Variants in KDM5A observed in about 807,000 individuals in gnomAD.
The protein encoded by KDM5A is lysine-specific demethylase 5A.
Under a neutral mutation model 193.5 loss-of-function variants are expected in KDM5A, and 42 were observed. That is an observed-to-expected ratio of 0.22 (90% confidence interval 0.17 to 0.28). The LOEUF (loss-of-function observed/expected upper bound fraction) is 0.28. Ranked by LOEUF, KDM5A falls within the 10% of genes least tolerant of loss-of-function variation. The probability of loss-of-function intolerance (pLI) is 1.00; values close to 1 mark genes in which losing one functional copy is unlikely to be tolerated. For synonymous variants in KDM5A, 796 were observed against 718.1 expected, an observed-to-expected ratio of 1.11 and a Z score of -1.73; for missense variants, 1,692 against 2,055.1, an observed-to-expected ratio of 0.82 and a Z score of 3.42.
intron 3 of KDM5A, among the ~76,000 whole-genome samples, chr12:376,405 T>G (rs1177121004): frequency 1.3e-5 from 2 of 152,250 alleles, no homozygotes; most frequent in African/African-American, 2.4e-5. Context: ...TCTCCTGGTG[T>G]GCCGTTTGCT....
Position 307,977 on chromosome 12 carries a change from T to C in KDM5A, c.3407A>G (p.Lys1136Arg), listed in dbSNP as rs766016067. The C allele has an allele frequency of 4.3e-6, 7 of 1,613,988 alleles. No individual in the cohort carries two copies. In the African/African-American group the frequency reaches 9.3e-5, roughly 22 times the overall value. The change falls in exon 23 of 28, where the codon AAA (lysine) becomes AGA (arginine). Residue 1136 changes from lysine (K) to arginine (R), a missense_variant. By Grantham distance (26) the Lys-to-Arg change is conservative (BLOSUM62 2). Coordinates refer to ENST00000399788, the MANE Select transcript of KDM5A (RefSeq NM_001042603.3). This position sits in a 1 kb window ranked among gnomAD's most constrained non-coding sequence, Gnocchi z 4.3. ...GAGAGAATGCATGGCTTCAATCTCT[T>C]TTTGCTCCCGTTCTTTGAAAACTGC... ...VVAVFKEREQ[K>R]EIEAMHSLRA...
chr12:302,495 C>G (rs1445117576), intron 24 of KDM5A, among the ~76,000 whole-genome samples: 1 of 151,584 alleles, frequency 6.6e-6, no homozygotes, highest in African/African-American at 2.4e-5. Flanking sequence ...TGGATCCCTT[C>G]CTTACACCTC....
At chr12:380,606 C>T (rs991945335) in intron 3 of KDM5A, among the ~76,000 whole-genome samples, 2 of 151,876 alleles carry the variant, frequency 1.3e-5, no homozygotes, top group African/African-American at 4.8e-5. Flanking sequence ...AATCCCAGTC[C>T]CAGCTACTCA....
chr12:280,934 A>C lies in KDM5A; in HGVS notation c.*4522T>G, dbSNP rs1943148820. On this transcript the variant is annotated 3_prime_UTR_variant, in exon 28 of 28. Coordinates refer to ENST00000399788, the MANE Select transcript of KDM5A (RefSeq NM_001042603.3). Reference sequence around the variant, plus strand: ...TTTTATAGTTAGCAAATGAAATTAGAAACTGCTTTGGCACAGGTCAAAGGT... The same window carrying C: ...TTTTATAGTTAGCAAATGAAATTAGCAACTGCTTTGGCACAGGTCAAAGGT... 1 of 232,976 alleles carries C rather than the reference A, an allele frequency of 4.3e-6. No individual in the cohort carries two copies. Among genetic ancestry groups the C allele is most frequent in the African/African-American group, 2.2e-5 (1 of 45,354 alleles). 14.4% of individuals were successfully genotyped at this position (232,976 alleles called of 1,614,324 possible). A position where few individuals can be genotyped will look rare whatever the true frequency, so the allele number is the denominator to read the frequency against.
At chr12:320,875 T>C (rs777992493) in intron 18 of KDM5A, 120 bp downstream of exon 18, 1 of 771,202 alleles carries the variant, frequency 1.3e-6, no homozygotes, top group Non-Finnish European at 2.4e-6. Context: ...TAGCAGCATA[T>C]ATGTGAGAGA....
intron 18 of KDM5A, among the ~76,000 whole-genome samples, chr12:318,832 T>G (rs1943681855): frequency 6.6e-6 from 1 of 152,150 alleles, no homozygotes; most frequent in South Asian, 2.1e-4. Flanking sequence ...TCAGTTAGTG[T>G]CAAGCGCTCT....
intron 2 of KDM5A, among the ~76,000 whole-genome samples, chr12:385,348 GA>G (rs1944627013): frequency 6.6e-6 from 1 of 151,596 alleles, no homozygotes; most frequent in African/African-American, 2.4e-5. Flanking sequence ...CCCATAAACA[GA>G]AAAAACAGCA....
rs144939468 is a variant in KDM5A at position 282,609 on chromosome 12, T to C, written c.*2847A>G. ...TTAAACTTGGGGATCTGCATAGTTC[T>C]AATGACTTAGCTTTTAAGAATACCA... On this transcript the variant is annotated 3_prime_UTR_variant, in exon 28 of 28. Coordinates refer to ENST00000399788, the MANE Select transcript of KDM5A (RefSeq NM_001042603.3). The C allele has an allele frequency of 2.0e-3, 474 of 233,180 alleles. 4 individuals carry two copies. The highest frequency in any genetic ancestry group is 9.7e-3 in the African/African-American group (443 of 45,464). The allele number at this position is 233,180 out of a possible 1,614,324, so 14.4% of individuals were successfully genotyped here.
At chr12:327,918 G>A (rs986591225) in intron 14 of KDM5A, among the ~76,000 whole-genome samples, 6 of 152,150 alleles carry the variant, frequency 3.9e-5, no homozygotes, top group Admixed American at 1.3e-4. Flanking sequence ...AGAGGCTGAG[G>A]TGGGAAGATT....
At chr12:370,431 T>G (rs1944412214) in intron 3 of KDM5A, among the ~76,000 whole-genome samples, 1 of 152,134 alleles carries the variant, frequency 6.6e-6, no homozygotes, top group African/African-American at 2.4e-5. Flanking sequence ...ACAAACCATT[T>G]ACTCCAAATA....
intron 3 of KDM5A, among the ~76,000 whole-genome samples, chr12:380,474 G>C (rs1944560408): frequency 6.6e-6 from 1 of 152,146 alleles, no homozygotes; most frequent in African/African-American, 2.4e-5. Flanking sequence ...CCTACACTTT[G>C]GGAGGCCAAG....
chr12:358,505 G>A (rs1325424880), intron 5 of KDM5A, among the ~76,000 whole-genome samples: 2 of 152,156 alleles, frequency 1.3e-5, no homozygotes, highest in Non-Finnish European at 1.5e-5. Context: ...GATATATGTT[G>A]AGTAAATAGT....
intron 3 of KDM5A, among the ~76,000 whole-genome samples, chr12:381,647 ATTC>A (rs1191767247): frequency 6.6e-6 from 1 of 152,146 alleles, no homozygotes; most frequent in African/African-American, 2.4e-5. Context: ...ATACTAGACA[ATTC>A]TTGACACAGT....
intron 3 of KDM5A, among the ~76,000 whole-genome samples, chr12:376,756 G>A (rs1029254387): frequency 3.3e-5 from 5 of 152,092 alleles, no homozygotes; most frequent in African/African-American, 1.2e-4. Context: ...CTAAAGAACA[G>A]TCTTCTACTT....
At chr12:330,075 G>A (rs1369598464) in intron 13 of KDM5A, among the ~76,000 whole-genome samples, 2,302 of 128,074 alleles carry the variant, frequency 0.018, 99 homozygotes, top group South Asian at 0.16. Context: ...GTGTGTGTGT[G>A]TGTGTGTGTG....
chr12:387,225 TCAA>T, intron 1 of KDM5A: 1 of 356,318 alleles, frequency 2.8e-6, no homozygotes, highest in South Asian at 2.1e-5. Context: ...CGTTGAGTAG[TCAA>T]AAAAAAAAAA....
rs1944686703 is a variant in KDM5A, at chr12:388,919, T to G, written c.165+8A>C. The G allele has an allele frequency of 6.2e-7, 1 of 1,614,098 alleles. No homozygotes were observed. The highest frequency in any genetic ancestry group is 8.5e-7 in the Non-Finnish European group (1 of 1,179,916). On this transcript the variant is annotated splice_region_variant and intron_variant, in intron 1 of 27. Transcript: ENST00000399788. ...CTTCTCCCCCTCTCTCTTCACAGAC[T>G]GAGGTACCTTGGGCGGCCGAATTTT... is the stretch of plus-strand genomic sequence containing the variant.
Position 350,743 on chromosome 12 carries a change from G to A in KDM5A, c.1186C>T (p.Arg396Trp), listed in dbSNP as rs369750152. Residue 396 changes from arginine to tryptophan, a missense_variant, in exon 10 of 28, where the codon CGG becomes TGG. By Grantham distance (101) the Arg-to-Trp change is moderately radical. Transcript: ENST00000399788. The part of the protein sequence containing the change: ...PTELVEKEFW[R>W]LVSSIEEDVI... Reference sequence around the variant, plus strand: ...TCTTCTTCAATGCTGCTTACCAGCCGCCAAAATTCCTTTTCTACTAGTTCT... The same window carrying A: ...TCTTCTTCAATGCTGCTTACCAGCCACCAAAATTCCTTTTCTACTAGTTCT... 1.9e-6 allele frequency: 3 copies of A among 1,613,906 alleles called. No individual in the cohort carries two copies. The highest frequency in any genetic ancestry group is 1.1e-5 in the South Asian group (1 of 91,076).
At chr12:286,584 G>A (rs1398002315) in intron 27 of KDM5A, among the ~76,000 whole-genome samples, 2 of 152,164 alleles carry the variant, frequency 1.3e-5, no homozygotes, top group Admixed American at 6.6e-5. Flanking sequence ...ACGTTAAGAA[G>A]CCACTTAAAA....
Sources: gnomAD v4.1 joint callset for allele counts (sites outside exome capture counted in the v4.1 genomes callset) on GRCh38, gnomAD v4.1.1 for gene constraint, Gnocchi (gnomAD v3.1) non-coding constraint, MANE v1.5 for transcripts, NCBI Gene and HGNC (gene_info 2026-07-23, HGNC 2026-07-21) for gene names.